The following CHODL variants were observed in gnomAD, a reference collection of about 807,000 sequenced individuals.
CHODL encodes chondrolectin, also known as transmembrane protein MT75.
CHODL carries 29 observed loss-of-function variants against 34.5 expected under a neutral mutation model. That is an observed-to-expected ratio of 0.84 (90% CI 0.63 to 1.15). The LOEUF is 1.15. Among genes scored for constraint, CHODL ranks in the 50% most tolerant of loss-of-function variants. The pLI, the probability that CHODL is intolerant of heterozygous loss-of-function variation, is 0.00. For missense variants in CHODL, 332 were observed against 332.5 expected, an observed-to-expected ratio of 1.00 and a Z score of 0.01; for synonymous variants, 125 against 116.1, an observed-to-expected ratio of 1.08 and a Z score of -0.49.
chr21:17,984,589 GT>G (rs1303573114), intron 1 of CHODL, among the ~76,000 whole-genome samples: 1 of 151,696 alleles, frequency 6.6e-6, no homozygotes, highest in Non-Finnish European at 1.5e-5. Flanking sequence ...CTAGTTTGGT[GT>G]TTGTCTTTTG....
rs370637496 is a variant in CHODL, at chr21:17,917,891, A to ATG, written c.-145+505_-145+506dup. On this transcript the variant is annotated intron_variant, in intron 1 of 6. Transcript: ENST00000400127. ...CTCTGATATGCGTGTGTGTGTGTGT[A>ATG]TGTGTGTGTGTGTGTAGTTCTGCCG... Among the ~76,000 whole-genome samples, 212 of 150,828 alleles carry ATG rather than the reference A, an allele frequency of 1.4e-3. 1 individual carries two copies. The highest frequency in any genetic ancestry group is 4.6e-3 in the African/African-American group (191 of 41,078).
intron 2 of CHODL, among the ~76,000 whole-genome samples, chr21:18,120,242 T>G (rs2065463674): frequency 6.6e-6 from 1 of 152,090 alleles, no homozygotes; most frequent in African/African-American, 2.4e-5. Flanking sequence ...AGACACAGAG[T>G]TAAATCATAA....
rs193034136 is a variant in CHODL, at chr21:18,040,552, A to G, written c.-45+12581A>G. 9.9e-5 allele frequency among the ~76,000 whole-genome samples: 15 copies of G among 152,024 alleles called. No homozygotes were observed. The East Asian group carries it at 2.1e-3, about 22-fold the overall frequency. The stretch of plus-strand genomic sequence containing the variant: ...TGTAGGCCTTAGTGTCTTCAATAAA[A>G]TGGTATATTTGCTGATACTAGGGCT... On this transcript the variant is annotated intron_variant, in intron 2 of 6. Transcript: ENST00000400127.
intron 1 of CHODL, among the ~76,000 whole-genome samples, chr21:17,996,295 C>G (rs2824593): frequency 0.32 from 49,004 of 152,064 alleles, 8,537 homozygotes; most frequent in Middle Eastern, 0.39. Flanking sequence ...AGTGAAGGTA[C>G]TCAACCAAGA....
intron 2 of CHODL, among the ~76,000 whole-genome samples, chr21:18,117,991 T>C (rs2065433749): frequency 6.6e-6 from 1 of 152,156 alleles, no homozygotes; most frequent in South Asian, 2.1e-4. Context: ...TTTGTTATGG[T>C]GGTGTATACA....
intron 1 of CHODL, among the ~76,000 whole-genome samples, chr21:18,251,088 T>G (rs1047983493): frequency 9.9e-5 from 15 of 151,690 alleles, no homozygotes; most frequent in Middle Eastern, 3.4e-3. Context: ...AGATCCTTTC[T>G]GCTCAGAAAG....
intron 2 of CHODL, chr21:18,134,403 G>C (rs2072695407): frequency 2.0e-6 from 1 of 509,780 alleles, no homozygotes; most frequent in African/African-American, 1.9e-5. Context: ...TCTCACTCTT[G>C]TAGGTGGATC....
chr21:18,123,428 C>T (rs1478659708), intron 2 of CHODL, among the ~76,000 whole-genome samples: 15 of 152,098 alleles, frequency 9.9e-5, no homozygotes, highest in Admixed American at 9.8e-4. Flanking sequence ...TGTCTTAGTC[C>T]ATTTGCTGCT....
chr21:18,087,826 A>C (rs2065025514), intron 2 of CHODL, among the ~76,000 whole-genome samples: 1 of 152,150 alleles, frequency 6.6e-6, no homozygotes, highest in South Asian at 2.1e-4. Context: ...CTACAAAGAC[A>C]TACCTGAGAC....
In CHODL at chr21:18,106,859, A is replaced by G. The variant is rs533067519; in HGVS notation, c.-45+78888A>G. ...CCACTAGGAGTTAGAACACCAAAGG[A>G]GTCTTGGTTTATCTGCCATATACCA... On this transcript the variant is annotated intron_variant, in intron 2 of 6. Transcript: ENST00000400127. Among the ~76,000 whole-genome samples, 199 of 152,254 alleles carry G rather than the reference A, an allele frequency of 1.3e-3. 2 individuals carry two copies. In the Middle Eastern group the frequency reaches 0.065, roughly 49 times the overall value.
intron 2 of CHODL, among the ~76,000 whole-genome samples, chr21:18,190,116 A>G (rs1466710776): frequency 6.6e-6 from 1 of 152,050 alleles, no homozygotes; most frequent in Non-Finnish European, 1.5e-5. Context: ...TTTCTCATTT[A>G]TGTATTTATT....
At chr21:18,260,950 C>T (rs1032284644) in intron 4 of CHODL, among the ~76,000 whole-genome samples, 2 of 152,096 alleles carry the variant, frequency 1.3e-5, no homozygotes, top group Non-Finnish European at 2.9e-5. Context: ...CAGTGGAGAG[C>T]AAACAGGGGT....
At chr21:17,945,144 G>A (rs1262608909) in intron 1 of CHODL, among the ~76,000 whole-genome samples, 4 of 151,326 alleles carry the variant, frequency 2.6e-5, no homozygotes, top group African/African-American at 4.9e-5. Context: ...CCTGGGAGGC[G>A]GAGCTTGCAG....
intron 1 of CHODL, among the ~76,000 whole-genome samples, chr21:18,008,274 A>T (rs1484830364): frequency 6.6e-6 from 1 of 151,124 alleles, no homozygotes; most frequent in African/African-American, 2.4e-5. Context: ...CACAACCAAG[A>T]CACTAAACGT....
chr21:17,939,305 C>T (rs112719342), intron 1 of CHODL, among the ~76,000 whole-genome samples: 4 of 152,244 alleles, frequency 2.6e-5, no homozygotes, highest in South Asian at 2.1e-4. Flanking sequence ...ATTTTAGACA[C>T]TGAATATAAG....
At chr21:18,102,543 C>T (rs536467350) in intron 2 of CHODL, among the ~76,000 whole-genome samples, 1 of 152,214 alleles carries the variant, frequency 6.6e-6, no homozygotes, top group South Asian at 2.1e-4. Flanking sequence ...TATTCTTTCA[C>T]TTATTTTTGA....
intron 2 of CHODL, among the ~76,000 whole-genome samples, chr21:18,193,409 C>A (rs1049870925): frequency 3.3e-5 from 5 of 151,970 alleles, no homozygotes; most frequent in Admixed American, 2.0e-4. Flanking sequence ...CTTAACAAAT[C>A]CTTTGGCTAG....
At chr21:18,129,596 G>A (rs916183923) in intron 2 of CHODL, among the ~76,000 whole-genome samples, 1 of 152,148 alleles carries the variant, frequency 6.6e-6, no homozygotes, top group Non-Finnish European at 1.5e-5. Context: ...GAGAATTAGG[G>A]TTGAGTGATC....
intron 2 of CHODL, among the ~76,000 whole-genome samples, chr21:18,179,520 T>C (rs1448503628): frequency 6.6e-6 from 1 of 152,182 alleles, no homozygotes; most frequent in East Asian, 1.9e-4. Context: ...TTTCTACCAC[T>C]CTAGAGTTGT....
Sources: gnomAD v4.1 joint callset for allele counts (sites outside exome capture counted in the v4.1 genomes callset) on GRCh38, gnomAD v4.1.1 for gene constraint, MANE v1.5 for transcripts, NCBI Gene and HGNC (gene_info 2026-07-23, HGNC 2026-07-21) for gene names.